Variants in NYAP2 observed in about 807,000 individuals in gnomAD.
NYAP2 encodes neuronal tyrosine-phosphorylated phosphoinositide-3-kinase adaptor 2.
A neutral mutation model predicts 50.4 loss-of-function variants in NYAP2; 23 were observed. The ratio of observed to expected loss-of-function variants is 0.46; its 90% CI spans 0.33 to 0.65. NYAP2 has a LOEUF of 0.65. Among genes scored for constraint, NYAP2 ranks in the 30% least tolerant of loss-of-function variants. The pLI is 0.02. For missense variants in NYAP2, 885 were observed against 861.0 expected (o/e 1.03, Z -0.35); for synonymous variants, 394 against 365.2 (o/e 1.08, Z -0.90).
chr2:225,536,631 G>A (rs1420497037), intron 4 of NYAP2, among the ~76,000 whole-genome samples: 1 of 151,924 alleles, frequency 6.6e-6, no homozygotes, highest in Non-Finnish European at 1.5e-5. Context: ...TCACGTCAGG[G>A]CAAATGGGGT....
chr2:225,432,563 T>G (rs1235812743), intron 3 of NYAP2, among the ~76,000 whole-genome samples: 1 of 151,988 alleles, frequency 6.6e-6, no homozygotes, highest in Admixed American at 6.6e-5. Flanking sequence ...TATATATGGC[T>G]ATATAGATAT....
At chr2:225,509,004 G>A (rs1322584533) in intron 3 of NYAP2, among the ~76,000 whole-genome samples, 1 of 152,150 alleles carries the variant, frequency 6.6e-6, no homozygotes, top group Non-Finnish European at 1.5e-5. Context: ...TCTTCTTGAG[G>A]GGAAACTTGG....
intron 6 of NYAP2, among the ~76,000 whole-genome samples, chr2:225,638,211 A>G (rs1302551326): frequency 2.0e-5 from 3 of 149,824 alleles, no homozygotes; most frequent in African/African-American, 7.3e-5. Context: ...GGGGGGTGAG[A>G]GAGAGAGAGA....
At chr2:225,456,177 C>T (rs1463574562) in intron 3 of NYAP2, among the ~76,000 whole-genome samples, 2 of 152,184 alleles carry the variant, frequency 1.3e-5, no homozygotes, top group Admixed American at 1.3e-4. Flanking sequence ...TTAGCCTGCT[C>T]TTTTTAAAAA....
chr2:225,617,936 A>G lies in NYAP2; in HGVS notation c.1619-8981A>G, dbSNP rs1574711751. On this transcript the variant is annotated intron_variant, in intron 5 of 6. Transcript: ENST00000636099. ...CCCTTCAATTCTCACTGAGGACTCT[A>G]TTAGATACTGAGTACCAATGTGAAA... Among the ~76,000 whole-genome samples the G allele has an allele frequency of 3.9e-5, 6 of 152,232 alleles. No homozygotes were observed. In the South Asian group the frequency reaches 1.2e-3, roughly 31 times the overall value.
chr2:225,411,559 C>T (rs1219757616), intron 3 of NYAP2, among the ~76,000 whole-genome samples: 1 of 151,734 alleles, frequency 6.6e-6, no homozygotes, highest in African/African-American at 2.4e-5. Flanking sequence ...GAGTTGTAGT[C>T]TATAGATTTC....
chr2:225,521,481 G>T (rs1222831335), intron 4 of NYAP2, among the ~76,000 whole-genome samples: 2 of 152,082 alleles, frequency 1.3e-5, no homozygotes, highest in South Asian at 2.1e-4. Flanking sequence ...TTTTTAGCAT[G>T]AAGGGTTGTT....
chr2:225,680,668 T>A, the NYAP2 span, among the ~76,000 whole-genome samples: 27 of 152,156 alleles, frequency 1.8e-4, no homozygotes, highest in African/African-American at 2.4e-5. Context: ...AGGTAGTCCA[T>A]AACTTCCCCA....
intron 3 of NYAP2, among the ~76,000 whole-genome samples, chr2:225,439,845 A>G (rs1689442927): frequency 6.6e-6 from 1 of 152,062 alleles, no homozygotes; most frequent in Non-Finnish European, 1.5e-5. Flanking sequence ...TGGAAACAGA[A>G]CTCCCATACT....
chr2:225,631,302 C>G (rs200089294), intron 6 of NYAP2, among the ~76,000 whole-genome samples: 2 of 152,132 alleles, frequency 1.3e-5, no homozygotes, highest in East Asian at 3.8e-4. Context: ...AACCCCAAAG[C>G]ATCTCTTTTG....
intron 4 of NYAP2, among the ~76,000 whole-genome samples, chr2:225,532,606 C>G (rs1179445929): frequency 6.6e-6 from 1 of 152,120 alleles, no homozygotes; most frequent in African/African-American, 2.4e-5. Flanking sequence ...CTTAGAGAAG[C>G]CAAACTCCTT....
chr2:225,682,031 T>C, the NYAP2 span, among the ~76,000 whole-genome samples: 1 of 152,182 alleles, frequency 6.6e-6, no homozygotes. Flanking sequence ...AGAAATACTA[T>C]CTAGTCCTTA....
intron 4 of NYAP2, among the ~76,000 whole-genome samples, chr2:225,523,323 A>G (rs1691098248): frequency 6.6e-6 from 1 of 150,848 alleles, no homozygotes; most frequent in African/African-American, 2.5e-5. Flanking sequence ...AGAAAAACCT[A>G]AAGATACCAC....
chr2:225,523,450 T>C (rs1447527172), intron 4 of NYAP2, among the ~76,000 whole-genome samples: 3 of 151,870 alleles, frequency 2.0e-5, no homozygotes, highest in African/African-American at 7.2e-5. Context: ...TGAGGACCAA[T>C]TCAAAAAGTC....
chr2:225,496,353 G>C (rs772094884), intron 3 of NYAP2, among the ~76,000 whole-genome samples: 15 of 152,046 alleles, frequency 9.9e-5, no homozygotes, highest in Non-Finnish European at 5.9e-5. Flanking sequence ...GAAAGTGTGT[G>C]GCCAGGGAAT....
intron 4 of NYAP2, among the ~76,000 whole-genome samples, chr2:225,570,586 AACTC>A (rs1468074168): frequency 6.6e-6 from 1 of 152,130 alleles, no homozygotes; most frequent in Admixed American, 6.5e-5. Context: ...ATCTCATGAG[AACTC>A]ACTCACTATC....
At chr2:225,554,517 T>C (rs1289242422) in intron 4 of NYAP2, among the ~76,000 whole-genome samples, 1 of 151,872 alleles carries the variant, frequency 6.6e-6, no homozygotes, top group Non-Finnish European at 1.5e-5. Flanking sequence ...TAGAGACAGG[T>C]TTTGCCATGT....
chr2:225,635,578 A>C (rs1282458475), intron 6 of NYAP2, among the ~76,000 whole-genome samples: 1 of 152,216 alleles, frequency 6.6e-6, no homozygotes, highest in Non-Finnish European at 1.5e-5. Flanking sequence ...AGATCAGCAC[A>C]TTGCAAATAT....
chr2:225,681,476 T>C, the NYAP2 span, among the ~76,000 whole-genome samples: 1 of 152,206 alleles, frequency 6.6e-6, no homozygotes, highest in Non-Finnish European at 1.5e-5. Context: ...GGATGGGTTA[T>C]TACATTCAGA....
Sources: gnomAD v4.1 joint callset for allele counts (sites outside exome capture counted in the v4.1 genomes callset) on GRCh38, gnomAD v4.1.1 for gene constraint, MANE v1.5 for transcripts, NCBI Gene and HGNC (gene_info 2026-07-23, HGNC 2026-07-21) for gene names.